Variants in ASTN2 observed in about 807,000 individuals in gnomAD.
ASTN2 encodes astrotactin 2, also known as astrotactin-2.
A neutral mutation model predicts 139.8 loss-of-function variants in ASTN2; 54 were observed. That is an observed-to-expected ratio of 0.39 (90% CI 0.31 to 0.48). ASTN2 has a LOEUF of 0.48. Ranked by LOEUF, ASTN2 falls within the 20% of genes least tolerant of loss-of-function variation. The pLI is 0.95. For missense variants in ASTN2, 1,565 were observed against 1,725.1 expected (o/e 0.91, Z 1.64); for synonymous variants, 756 against 719.5 (o/e 1.05, Z -0.81).
chr9:116,866,190 C>G (rs1241111194), intron 10 of ASTN2, among the ~76,000 whole-genome samples: 2 of 152,206 alleles, frequency 1.3e-5, no homozygotes, highest in East Asian at 1.9e-4. Context: ...GTCCCCAGCA[C>G]AGTCTGGAAG....
intron 17 of ASTN2, among the ~76,000 whole-genome samples, chr9:116,645,131 G>A (rs1857523947): frequency 1.3e-5 from 2 of 152,138 alleles, no homozygotes; most frequent in South Asian, 4.1e-4. Flanking sequence ...TGGCAGAGAA[G>A]GGATTCAAAT....
chr9:117,276,619 G>T (rs1177554511), intron 2 of ASTN2, among the ~76,000 whole-genome samples: 1 of 152,216 alleles, frequency 6.6e-6, no homozygotes, highest in Non-Finnish European at 1.5e-5. Flanking sequence ...ACCGAAGAGG[G>T]TGTCCATGGG....
intron 2 of ASTN2, among the ~76,000 whole-genome samples, chr9:117,242,012 T>G (rs1833228871): frequency 7.5e-6 from 1 of 133,186 alleles, no homozygotes; most frequent in East Asian, 2.2e-4. Flanking sequence ...GTCTTTTTTT[T>G]TTTTTTTTTT....
rs1026437899 is a variant in ASTN2, at chr9:116,699,955, A to C, written c.2806+25816T>G. On this transcript the variant is annotated intron_variant, in intron 16 of 22. Transcript: ENST00000313400. This position sits in a 1 kb window ranked among gnomAD's most constrained non-coding sequence, Gnocchi z 4.2. ...ACACGATGGTGTTAGCTGAAGTTTG[A>C]TTAGCAATTAGGCACTTCCAAGGCT... 6 of 590,220 alleles carry C rather than the reference A, an allele frequency of 1.0e-5. No individual in the cohort carries two copies. The highest frequency in any genetic ancestry group is 1.8e-5 in the Non-Finnish European group (6 of 328,694). The allele number at this position is 590,220 out of a possible 1,614,324, so 36.6% of individuals were successfully genotyped here.
chr9:117,339,007 C>G (rs906646689), intron 1 of ASTN2, among the ~76,000 whole-genome samples: 10 of 151,976 alleles, frequency 6.6e-5, no homozygotes, highest in Non-Finnish European at 1.2e-4. Flanking sequence ...AGACTGACTG[C>G]GGGTGATGAT....
At chr9:117,404,135 T>C (rs1414312625) in intron 1 of ASTN2, among the ~76,000 whole-genome samples, 1 of 152,122 alleles carries the variant, frequency 6.6e-6, no homozygotes, top group Non-Finnish European at 1.5e-5. Flanking sequence ...CACAGCTTAG[T>C]GTAAGTAAAA....
chr9:116,966,706 A>T (rs1263824324), intron 10 of ASTN2, among the ~76,000 whole-genome samples: 3 of 60,426 alleles, frequency 5.0e-5, no homozygotes, highest in East Asian at 7.7e-4. Context: ...CATTTTCTTT[A>T]AAAAAAAAAA....
chr9:117,246,326 T>C (rs2133082982), intron 2 of ASTN2, among the ~76,000 whole-genome samples: 1 of 152,264 alleles, frequency 6.6e-6, no homozygotes, highest in Non-Finnish European at 1.5e-5. Context: ...AATTAAGACA[T>C]AGTGTTTTCA....
At chr9:116,762,367 G>GT (rs2132170007) in intron 13 of ASTN2, among the ~76,000 whole-genome samples, 1 of 152,240 alleles carries the variant, frequency 6.6e-6, no homozygotes, top group South Asian at 2.1e-4. Context: ...TGTCTATCTT[G>GT]CAGGGCCTCC....
intron 19 of ASTN2, among the ~76,000 whole-genome samples, chr9:116,616,976 C>T (rs1855890925): frequency 6.6e-6 from 1 of 152,142 alleles, no homozygotes; most frequent in Admixed American, 6.6e-5. Context: ...TCAGAATTAA[C>T]AAAGTTTGAA....
At chr9:116,511,034 G>A (rs528385254) in intron 19 of ASTN2, among the ~76,000 whole-genome samples, 5 of 152,014 alleles carry the variant, frequency 3.3e-5, no homozygotes, top group Non-Finnish European at 7.4e-5. Flanking sequence ...AATTTCCAAC[G>A]CTGTGTTCAA....
intron 15 of ASTN2, among the ~76,000 whole-genome samples, 154 bp downstream of exon 15, chr9:116,728,838 C>T (rs1467277156): frequency 3.3e-5 from 5 of 152,266 alleles, no homozygotes; most frequent in African/African-American, 1.2e-4. Flanking sequence ...CTCCTGTCCA[C>T]CCACCCTCCC....
intron 21 of ASTN2, 26 bp from the exon 22 acceptor site, chr9:116,440,818 G>A (rs1847817429): frequency 1.3e-6 from 2 of 1,599,882 alleles, no homozygotes; most frequent in Non-Finnish European, 8.6e-7. Flanking sequence ...GGCAGAAACA[G>A]ATCACTGGGT....
chr9:116,897,794 C>T (rs553982213), intron 10 of ASTN2, among the ~76,000 whole-genome samples: 6 of 151,706 alleles, frequency 4.0e-5, no homozygotes, highest in Non-Finnish European at 8.8e-5. Context: ...TTACAGCATT[C>T]CTATGGGTAG....
chr9:116,501,466 T>G (rs1428697609), intron 19 of ASTN2, among the ~76,000 whole-genome samples: 1 of 152,178 alleles, frequency 6.6e-6, no homozygotes, highest in Non-Finnish European at 1.5e-5. Context: ...TTTATAGTCC[T>G]TTGGGTATAT....
At chr9:117,021,100 G>A (rs79425583) in intron 6 of ASTN2, among the ~76,000 whole-genome samples, 7,966 of 152,036 alleles carry the variant, frequency 0.052, 517 homozygotes, top group African/African-American at 0.16. Flanking sequence ...TAGAGATGAG[G>A]TATTCCTATG....
intron 2 of ASTN2, among the ~76,000 whole-genome samples, chr9:117,283,043 T>C (rs1426029921): frequency 1.3e-5 from 2 of 151,858 alleles, no homozygotes; most frequent in East Asian, 1.9e-4. Flanking sequence ...TTTGATGTTA[T>C]GATTTTAATT....
At chr9:117,133,475 C>T (rs975361281) in intron 4 of ASTN2, among the ~76,000 whole-genome samples, 1 of 152,090 alleles carries the variant, frequency 6.6e-6, no homozygotes, top group African/African-American at 2.4e-5. Context: ...GACACTGAGG[C>T]CCAGAGAGTG....
At chr9:117,247,028 G>T (rs538202510) in intron 2 of ASTN2, among the ~76,000 whole-genome samples, 64 of 152,284 alleles carry the variant, frequency 4.2e-4, no homozygotes, top group Non-Finnish European at 7.5e-4. Context: ...CAATTTACCA[G>T]TTGAAAAAAG....
Sources: gnomAD v4.1 joint callset for allele counts (sites outside exome capture counted in the v4.1 genomes callset) on GRCh38, gnomAD v4.1.1 for gene constraint, Gnocchi (gnomAD v3.1) non-coding constraint, MANE v1.5 for transcripts, NCBI Gene and HGNC (gene_info 2026-07-23, HGNC 2026-07-21) for gene names.